GRID2: variants seen among roughly 807,000 people sequenced by gnomAD.
GRID2 encodes the protein glutamate ionotropic receptor delta type subunit 2.
In GRID2, 33 loss-of-function variants were observed where a neutral mutation model predicts 114.8. The observed-to-expected ratio is 0.29, with a 90% CI of 0.22 to 0.38. The LOEUF is 0.38. Ranked by LOEUF, GRID2 falls within the 10% of genes least tolerant of loss-of-function variation. The pLI, the probability that GRID2 is intolerant of heterozygous loss-of-function variation, is 1.00. For missense variants in GRID2, 1,184 were observed against 1,257.7 expected, an observed-to-expected ratio of 0.94 and a Z score of 0.89; for synonymous variants, 505 against 449.9, an observed-to-expected ratio of 1.12 and a Z score of -1.55.
intron 11 of GRID2, among the ~76,000 whole-genome samples, chr4:93,484,140 A>G (rs2149450333): frequency 6.6e-6 from 1 of 152,038 alleles, no homozygotes; most frequent in East Asian, 1.9e-4. Flanking sequence ...ATTTGCCTAC[A>G]GAAAAGTACG....
intron 2 of GRID2, among the ~76,000 whole-genome samples, chr4:92,936,469 A>C (rs2149528283): frequency 6.8e-6 from 1 of 146,600 alleles, no homozygotes; most frequent in African/African-American, 2.4e-5. Flanking sequence ...TAATAAAAAT[A>C]TTCCTGAAAA....
chr4:92,771,587 A>C (rs1738549466), intron 2 of GRID2, among the ~76,000 whole-genome samples: 1 of 152,188 alleles, frequency 6.6e-6, no homozygotes, highest in Non-Finnish European at 1.5e-5. Context: ...AAATGGTCTA[A>C]GATGTTGTTT....
Position 93,134,384 on chromosome 4 carries a change from A to G in GRID2, c.735+23431A>G, listed in dbSNP as rs1735057121. 2.0e-5 allele frequency among the ~76,000 whole-genome samples: 3 copies of G among 152,280 alleles called. No homozygotes were observed. The South Asian group carries it at 6.2e-4, about 32-fold the overall frequency. On this transcript the variant is annotated intron_variant, in intron 4 of 15. Transcript: ENST00000282020. The stretch of plus-strand genomic sequence containing the variant: ...TCTGAATTTTGTAAATGTGAATCTG[A>G]ACTGAGTAATGGGATGGTGCTTAGT...
At chr4:92,661,762 A>G (rs1294311551) in intron 2 of GRID2, among the ~76,000 whole-genome samples, 1 of 151,020 alleles carries the variant, frequency 6.6e-6, no homozygotes, top group East Asian at 1.9e-4. Context: ...CAACTGAAAT[A>G]ATGTGGGAAA....
intron 4 of GRID2, among the ~76,000 whole-genome samples, chr4:93,167,447 A>G (rs56324528): frequency 0.073 from 11,055 of 152,174 alleles, 441 homozygotes; most frequent in East Asian, 0.18. Context: ...AGTTCTCTAT[A>G]TCGTTTTTAA....
intron 13 of GRID2, among the ~76,000 whole-genome samples, chr4:93,622,366 T>A (rs1443854548): frequency 6.6e-6 from 1 of 152,222 alleles, no homozygotes; most frequent in African/African-American, 2.4e-5. Context: ...CTCATTTTTT[T>A]ATCATCAGCA....
chr4:92,914,266 C>T (rs1409792899), intron 2 of GRID2, among the ~76,000 whole-genome samples: 1 of 152,066 alleles, frequency 6.6e-6, no homozygotes, highest in Non-Finnish European at 1.5e-5. Context: ...ACTCAATAGT[C>T]TATTGGGTAA....
chr4:92,892,781 G>T (rs547236747), intron 2 of GRID2, among the ~76,000 whole-genome samples: 3 of 152,130 alleles, frequency 2.0e-5, no homozygotes, highest in African/African-American at 7.2e-5. Context: ...ATAGTATGTG[G>T]TCTTGCCAAA....
At chr4:92,784,221 C>A (rs569177031) in intron 2 of GRID2, among the ~76,000 whole-genome samples, 5 of 151,844 alleles carry the variant, frequency 3.3e-5, no homozygotes, top group Non-Finnish European at 7.4e-5. Context: ...AATATATAGT[C>A]TCAAAAAATT....
At chr4:93,792,106 A>G (rs1734705730) in intron 1 of GRID2, among the ~76,000 whole-genome samples, 1 of 152,190 alleles carries the variant, frequency 6.6e-6, no homozygotes, top group Non-Finnish European at 1.5e-5. Flanking sequence ...AAAGAAATGG[A>G]AATATTTTGT....
Position 92,505,766 on chromosome 4 carries a change from A to C in GRID2, c.89-84365A>C, listed in dbSNP as rs561855830. On this transcript the variant is annotated intron_variant, in intron 1 of 15. Coordinates refer to ENST00000282020, the MANE Select transcript of GRID2 (RefSeq NM_001510.4). ...GGCAGGCATTCTAAATTTTTGTTGA[A>C]TATATCTTTTAGTGCAATGTATATC... Among the ~76,000 whole-genome samples the C allele has an allele frequency of 3.3e-5, 5 of 152,158 alleles. 1 individual carries two copies. The South Asian group carries it at 1.0e-3, about 31-fold the overall frequency.
intron 4 of GRID2, among the ~76,000 whole-genome samples, chr4:93,111,635 C>T (rs1732770360): frequency 6.6e-6 from 1 of 151,926 alleles, no homozygotes; most frequent in South Asian, 2.1e-4. Flanking sequence ...GTCTTTTTGC[C>T]CCACTTCAAG....
At chr4:92,426,188 G>A (rs537944232) in intron 1 of GRID2, among the ~76,000 whole-genome samples, 1 of 152,038 alleles carries the variant, frequency 6.6e-6, no homozygotes, top group East Asian at 1.9e-4. Context: ...CCAAAGTTAT[G>A]TCACATTTAA....
chr4:92,452,515 C>T (rs1482399747), intron 1 of GRID2, among the ~76,000 whole-genome samples: 5 of 151,992 alleles, frequency 3.3e-5, no homozygotes, highest in Non-Finnish European at 7.4e-5. Context: ...GGGGTTTCAC[C>T]ATGTTGGCCA....
At chr4:92,630,785 C>T (rs962603113) in intron 2 of GRID2, among the ~76,000 whole-genome samples, 8 of 151,882 alleles carry the variant, frequency 5.3e-5, no homozygotes, top group Non-Finnish European at 1.2e-4. Context: ...AAATACATTA[C>T]GGAGGCTGGA....
intron 14 of GRID2, among the ~76,000 whole-genome samples, chr4:93,739,464 C>T (rs1731193320): frequency 6.6e-6 from 1 of 151,996 alleles, no homozygotes; most frequent in Admixed American, 6.6e-5. Context: ...CTTATAGCTG[C>T]AAATTGGCCC....
At chr4:93,462,300 T>C (rs1723823614) in intron 11 of GRID2, among the ~76,000 whole-genome samples, 1 of 152,084 alleles carries the variant, frequency 6.6e-6, no homozygotes, top group Admixed American at 6.6e-5. Flanking sequence ...CTTAACCAAA[T>C]TGAGATCAAA....
At chr4:93,658,448 A>G (rs765152673) in intron 14 of GRID2, among the ~76,000 whole-genome samples, 1 of 152,192 alleles carries the variant, frequency 6.6e-6, no homozygotes, top group African/African-American at 2.4e-5. Context: ...ACCAAGCACT[A>G]TTCTAAGAGC....
In GRID2 at chr4:93,728,176, G is replaced by A. The variant is rs1221537282; in HGVS notation, c.2361-41034G>A. ...CTTTAAATGTGTCCCAGAGATTCTG[G>A]TATGTGGTGTCTTTGTTCTCGTTGG... is the stretch of plus-strand genomic sequence containing the variant. On this transcript the variant is annotated intron_variant, in intron 14 of 15. Coordinates refer to ENST00000282020, the MANE Select transcript of GRID2 (RefSeq NM_001510.4). Among the ~76,000 whole-genome samples, 8 of 152,122 alleles carry A rather than the reference G, an allele frequency of 5.3e-5. No individual in the cohort carries two copies. The East Asian group carries it at 9.7e-4, about 18-fold the overall frequency.
Sources: gnomAD v4.1 joint callset for allele counts (sites outside exome capture counted in the v4.1 genomes callset) on GRCh38, gnomAD v4.1.1 for gene constraint, MANE v1.5 for transcripts, NCBI Gene and HGNC (gene_info 2026-07-23, HGNC 2026-07-21) for gene names.